The following CDYL variants were observed in gnomAD, a reference collection of about 807,000 sequenced individuals.
The protein encoded by CDYL is chromodomain Y like.
Under a neutral mutation model 47.3 loss-of-function variants are expected in CDYL, and 8 were observed. The observed-to-expected ratio is 0.17, with a 90% CI of 0.10 to 0.31. CDYL has a LOEUF of 0.31. Among genes scored for constraint, CDYL ranks in the 10% least tolerant of loss-of-function variants. The pLI, the probability that CDYL is intolerant of heterozygous loss-of-function variation, is 1.00. For synonymous variants in CDYL, 266 were observed against 265.0 expected, an observed-to-expected ratio of 1.00 and a Z score of -0.04; for missense variants, 471 against 701.4, an observed-to-expected ratio of 0.67 and a Z score of 3.71.
chr6:4,828,130 A>G (rs1306758173), intron 1 of CDYL, among the ~76,000 whole-genome samples: 1 of 152,110 alleles, frequency 6.6e-6, no homozygotes, highest in Non-Finnish European at 1.5e-5. Flanking sequence ...TTTCAGGGAA[A>G]GTCTAGTGGT....
chr6:4,882,848 G>A (rs1414760789), intron 1 of CDYL, among the ~76,000 whole-genome samples: 1 of 152,154 alleles, frequency 6.6e-6, no homozygotes. Flanking sequence ...CCCAGATGAG[G>A]TTTCCAATGC....
At chr6:4,838,669 T>C (rs572451265) in intron 1 of CDYL, among the ~76,000 whole-genome samples, 1 of 152,208 alleles carries the variant, frequency 6.6e-6, no homozygotes, top group South Asian at 2.1e-4. Context: ...GTGGGATTGC[T>C]GGATCAGATG....
At chr6:4,795,857 T>C (rs60855041) in intron 1 of CDYL, among the ~76,000 whole-genome samples, 1 of 152,216 alleles carries the variant, frequency 6.6e-6, no homozygotes, top group African/African-American at 2.4e-5. Flanking sequence ...CGTATTGTTC[T>C]TTCATGAACA....
intron 2 of CDYL, among the ~76,000 whole-genome samples, chr6:4,718,746 CAA>C (rs1355812999): frequency 6.6e-6 from 1 of 151,990 alleles, no homozygotes; most frequent in Admixed American, 6.6e-5. Context: ...TTTTAAAAAA[CAA>C]AACTTGGATG....
chr6:4,716,603 T>C (rs1757269276), intron 2 of CDYL, among the ~76,000 whole-genome samples: 1 of 151,018 alleles, frequency 6.6e-6, no homozygotes, highest in Non-Finnish European at 1.5e-5. Context: ...ATTTTTTTTT[T>C]TTTTTTTTTT....
chr6:4,895,996 C>T (rs1308661242), intron 2 of CDYL, among the ~76,000 whole-genome samples: 1 of 152,150 alleles, frequency 6.6e-6, no homozygotes, highest in Non-Finnish European at 1.5e-5. Flanking sequence ...TTCCAAGGCC[C>T]TCACCATCAT....
chr6:4,773,298 C>T (rs374324456), upstream of CDYL: 5 of 403,930 alleles, frequency 1.2e-5, no homozygotes, highest in East Asian at 3.0e-4. The surrounding 1 kb of genome is among the most constrained non-coding windows in gnomAD (Gnocchi z 4.6). Context: ...TGGTATTGTG[C>T]TGTATGTATT....
At chr6:4,729,217 T>A (rs1260888555) in intron 2 of CDYL, among the ~76,000 whole-genome samples, 1 of 152,088 alleles carries the variant, frequency 6.6e-6, no homozygotes, top group East Asian at 1.9e-4. Context: ...TTTCCACCCC[T>A]GAAATTCCCC....
intron 2 of CDYL, among the ~76,000 whole-genome samples, chr6:4,733,607 C>G (rs997333933): frequency 6.6e-6 from 1 of 152,138 alleles, no homozygotes; most frequent in Non-Finnish European, 1.5e-5. Context: ...GAACAGACAG[C>G]CTTTTAGTCA....
At chr6:4,740,789 C>G (rs1757783091) in intron 3 of CDYL, among the ~76,000 whole-genome samples, 1 of 140,684 alleles carries the variant, frequency 7.1e-6, no homozygotes, top group Admixed American at 7.2e-5. Flanking sequence ...ACTCTAAAAT[C>G]TTTTTTTTTT....
At chr6:4,730,007 T>C (rs1225894696) in intron 2 of CDYL, among the ~76,000 whole-genome samples, 1 of 152,170 alleles carries the variant, frequency 6.6e-6, no homozygotes, top group Non-Finnish European at 1.5e-5. Flanking sequence ...GACAATTTTC[T>C]TATAAGAAAT....
intron 1 of CDYL, among the ~76,000 whole-genome samples, chr6:4,712,058 G>A (rs922163308): frequency 1.1e-4 from 16 of 152,182 alleles, no homozygotes; most frequent in East Asian, 1.9e-4. Context: ...GAGCAAGACC[G>A]TCTCAAAGAA....
chr6:4,922,390 C>A (rs1386999432), intron 2 of CDYL, among the ~76,000 whole-genome samples: 1 of 152,156 alleles, frequency 6.6e-6, no homozygotes, highest in Non-Finnish European at 1.5e-5. Context: ...GGCAATGAAT[C>A]CTGAGGACAG....
At chr6:4,902,868 GT>G (rs1757111417) in intron 2 of CDYL, among the ~76,000 whole-genome samples, 1 of 152,154 alleles carries the variant, frequency 6.6e-6, no homozygotes, top group African/African-American at 2.4e-5. Context: ...AAAATCGGAT[GT>G]TTTTAAAATA....
intron 1 of CDYL, among the ~76,000 whole-genome samples, chr6:4,858,389 G>T (rs1378089751): frequency 2.0e-5 from 3 of 152,178 alleles, no homozygotes; most frequent in Non-Finnish European, 2.9e-5. Flanking sequence ...CAGGTGTCAG[G>T]CACTAAAATG....
At chr6:4,940,345 C>A (rs988692080) in intron 4 of CDYL, among the ~76,000 whole-genome samples, 1 of 152,202 alleles carries the variant, frequency 6.6e-6, no homozygotes, top group Non-Finnish European at 1.5e-5. Flanking sequence ...AGTCACTTAA[C>A]CTTTCCTTTT....
chr6:4,930,354 A>T (rs373569292), intron 2 of CDYL, among the ~76,000 whole-genome samples: 12 of 152,110 alleles, frequency 7.9e-5, no homozygotes, highest in East Asian at 7.7e-4. Context: ...TTTCCATATC[A>T]TGTCTCACAA....
At chr6:4,934,425 C>T (rs1758125948) in intron 2 of CDYL, among the ~76,000 whole-genome samples, 2 of 152,200 alleles carry the variant, frequency 1.3e-5, no homozygotes, top group African/African-American at 2.4e-5. Flanking sequence ...TTATTTGGCT[C>T]CTCTGAAATG....
intron 2 of CDYL, among the ~76,000 whole-genome samples, chr6:4,933,663 TAAAAGAAAAAGTC>T (rs2127518357): frequency 6.6e-6 from 1 of 152,214 alleles, no homozygotes; most frequent in African/African-American, 2.4e-5. Context: ...GGATGGAGGT[TAAAAGAAAAAGTC>T]TTTCCTGAGT....
Sources: allele counts gnomAD v4.1 joint callset (sites outside exome capture counted in the v4.1 genomes callset), GRCh38; gene constraint gnomAD v4.1.1; non-coding constraint Gnocchi (gnomAD v3.1); transcripts MANE v1.5; gene names NCBI Gene and HGNC (gene_info 2026-07-23, HGNC 2026-07-21).